HERC1: variants seen among roughly 807,000 people sequenced by gnomAD.
HERC1 encodes the protein probable E3 ubiquitin-protein ligase HERC1.
In HERC1, 160 loss-of-function variants were observed where a neutral mutation model predicts 554.3. The ratio of observed to expected loss-of-function variants is 0.29; its 90% confidence interval spans 0.25 to 0.33. The LOEUF (loss-of-function observed/expected upper bound fraction) is 0.33. Ranked by LOEUF, HERC1 falls within the 10% of genes least tolerant of loss-of-function variation. The pLI, the probability that HERC1 is intolerant of heterozygous loss-of-function variation, is 1.00. For synonymous variants in HERC1, 2,175 were observed against 2,131.7 expected, an observed-to-expected ratio of 1.02 and a Z score of -0.56; for missense variants, 4,919 against 5,918.5, an observed-to-expected ratio of 0.83 and a Z score of 5.54.
chr15:63,671,203 CAAAAAAAA>C (rs371521135), intron 39 of HERC1, among the ~76,000 whole-genome samples: 1 of 123,456 alleles, frequency 8.1e-6, no homozygotes, highest in African/African-American at 3.0e-5. Flanking sequence ...AACTTTGTCT[CAAAAAAAA>C]AAAAAAAAAA....
intron 2 of HERC1, 66 bp downstream of exon 2, chr15:63,774,628 T>A (rs1287565422): frequency 1.1e-5 from 13 of 1,195,194 alleles, no homozygotes; most frequent in Non-Finnish European, 1.4e-5. Flanking sequence ...CACCAATTCA[T>A]TAAAAACTGC....
In HERC1 at chr15:63,628,532, AG is replaced by A. The variant is rs2068406641; in HGVS notation, c.13105+144del. 5.0e-6 allele frequency: 4 copies of A among 801,900 alleles called. No individual in the cohort carries two copies. The African/African-American group carries it at 5.2e-5, about 10-fold the overall frequency. The allele number at this position is 801,900 out of a possible 1,614,324, so 49.7% of individuals were successfully genotyped here. Reference sequence around the variant, plus strand: ...CTGCTATGAAAATACTTCCAGTGCTAGTAGCACAAAGAATGCTTTGTGTGGC... The same window carrying A: ...CTGCTATGAAAATACTTCCAGTGCTATAGCACAAAGAATGCTTTGTGTGGC... On this transcript the variant is annotated intron_variant, in intron 70 of 77. Transcript: ENST00000443617.
Position 63,678,067 on chromosome 15 carries a change from T to C in HERC1, c.6848A>G (p.His2283Arg), listed in dbSNP as rs1327238802. 2 of 1,614,038 alleles carry C rather than the reference T, an allele frequency of 1.2e-6. No individual in the cohort carries two copies. Among genetic ancestry groups the C allele is most frequent in the Non-Finnish European group, 8.5e-7 (1 of 1,179,910 alleles). Residue 2283 changes from histidine to arginine, a missense_variant, in exon 37 of 78, where the codon CAT becomes CGT. Coordinates refer to ENST00000443617, the MANE Select transcript of HERC1 (RefSeq NM_003922.4). ...KESKEEEKGK[H>R]TRHGLADLSE... ...GAGGTCAGCGAGGCCATGCCTAGTA[T>C]GTTTACCTTTCTCTTCCTCTTTGCT...
At chr15:63,685,913 T>C (rs1382945184) in intron 34 of HERC1, among the ~76,000 whole-genome samples, 1 of 152,228 alleles carries the variant, frequency 6.6e-6, no homozygotes, top group African/African-American at 2.4e-5. Context: ...AACAATATGG[T>C]TTATGCTAAA....
chr15:63,617,241 ATGAG>A (rs2067860710), intron 74 of HERC1, among the ~76,000 whole-genome samples: 1 of 152,064 alleles, frequency 6.6e-6, no homozygotes, highest in Non-Finnish European at 1.5e-5. Context: ...ATTCCCACCT[ATGAG>A]TGAGAACACG....
At chr15:63,751,821 A>G (rs1339952662) in intron 8 of HERC1, among the ~76,000 whole-genome samples, 1 of 152,174 alleles carries the variant, frequency 6.6e-6, no homozygotes, top group Non-Finnish European at 1.5e-5. Context: ...TTGGAATTCA[A>G]TGTAATGGAT....
chr15:63,776,204 C>T (rs2076109504), intron 1 of HERC1, among the ~76,000 whole-genome samples: 1 of 152,092 alleles, frequency 6.6e-6, no homozygotes, highest in Non-Finnish European at 1.5e-5. Flanking sequence ...TTCATATACA[C>T]AAGTGCCTAC....
chr15:63,775,362 C>A lies in HERC1; in HGVS notation c.262G>T (p.Ala88Ser). The A allele has an allele frequency of 6.2e-7, 1 of 1,613,922 alleles. No homozygotes were observed. Among genetic ancestry groups the A allele is most frequent in the Non-Finnish European group, 8.5e-7 (1 of 1,179,820 alleles). The change falls in exon 2 of 78, where the codon GCA becomes TCA. Residue 88 changes from alanine to serine, a missense_variant. Around this residue, in one of 11 missense-constraint regions of HERC1, gnomAD observed 110 missense variants for 99.3 expected, o/e 1.11. Coordinates refer to ENST00000443617, the MANE Select transcript of HERC1 (RefSeq NM_003922.4). This position sits in a 1 kb window ranked among gnomAD's most constrained non-coding sequence, Gnocchi z 4.0. Reference sequence around the variant, plus strand: ...TCTGAACATACCATCTTTGCCAATGCTAGCTGGCTGCTAAGAAGGGCATCC... The same window carrying A: ...TCTGAACATACCATCTTTGCCAATGATAGCTGGCTGCTAAGAAGGGCATCC... ...YLDALLSSQL[A>S]LAKMVCSDSP...
chr15:63,761,586 CAA>C (rs11301389), intron 3 of HERC1, among the ~76,000 whole-genome samples: 408 of 119,228 alleles, frequency 3.4e-3, no homozygotes, highest in African/African-American at 8.2e-3. Flanking sequence ...AAGACTGTCT[CAA>C]AAAAAAAAAA....
At chr15:63,738,833 T>A (rs1036651431) in intron 12 of HERC1, among the ~76,000 whole-genome samples, 6 of 152,196 alleles carry the variant, frequency 3.9e-5, no homozygotes, top group African/African-American at 1.2e-4. Context: ...TACTTTTCCT[T>A]ATTTTATTCT....
At chr15:63,643,340 A>G (rs2069165815) in intron 58 of HERC1, 64 bp downstream of exon 58, 2 of 1,387,356 alleles carry the variant, frequency 1.4e-6, no homozygotes, top group Admixed American at 2.3e-5. Context: ...GTTAATTTTT[A>G]TCACATGTGT....
At chr15:63,675,186 T>C (rs1390776366) in intron 37 of HERC1, 69 bp from the exon 38 acceptor site, 2 of 1,312,922 alleles carry the variant, frequency 1.5e-6, no homozygotes, top group Non-Finnish European at 2.1e-6. Flanking sequence ...GTACGGAAAA[T>C]AATGTAGACA....
At chr15:63,700,920 T>C (rs1020318625) in intron 25 of HERC1, among the ~76,000 whole-genome samples, 5 of 151,856 alleles carry the variant, frequency 3.3e-5, no homozygotes, top group Non-Finnish European at 1.5e-5. Context: ...AAAAAATATA[T>C]ACATTCTTTT....
At chr15:63,640,610 G>A (rs1260034819) in intron 60 of HERC1, among the ~76,000 whole-genome samples, 165 bp from the exon 61 acceptor site, 2 of 152,132 alleles carry the variant, frequency 1.3e-5, no homozygotes, top group South Asian at 2.1e-4. Context: ...AGATAGTACC[G>A]AGGATTTCTG....
chr15:63,750,099 C>T (rs1233340520), intron 8 of HERC1, among the ~76,000 whole-genome samples: 1 of 152,224 alleles, frequency 6.6e-6, no homozygotes, highest in African/African-American at 2.4e-5. Context: ...TTTGCCCCAT[C>T]TCACCAGCTT....
chr15:63,668,889 A>G (rs1418543825), intron 40 of HERC1, among the ~76,000 whole-genome samples: 1 of 152,226 alleles, frequency 6.6e-6, no homozygotes. Context: ...GAAAGGATAA[A>G]GAAGACTTGG....
intron 46 of HERC1, among the ~76,000 whole-genome samples, chr15:63,660,187 G>T (rs1189804846): frequency 6.6e-6 from 1 of 152,132 alleles, no homozygotes; most frequent in Non-Finnish European, 1.5e-5. Context: ...AGGCATGGTG[G>T]TGTGTGCCTG....
chr15:63,797,926 A>T (rs1196381437), intron 1 of HERC1, among the ~76,000 whole-genome samples: 1 of 152,238 alleles, frequency 6.6e-6, no homozygotes, highest in Admixed American at 6.5e-5. Context: ...GGATGTGAAT[A>T]TAAGTCCCCA....
intron 24 of HERC1, 139 bp downstream of exon 24, chr15:63,712,636 A>G: frequency 1.6e-6 from 1 of 624,354 alleles, no homozygotes; most frequent in Admixed American, 3.1e-5. Context: ...TATATGCAAT[A>G]TAGTTATTTC....
Sources: allele counts gnomAD v4.1 joint callset (sites outside exome capture counted in the v4.1 genomes callset), GRCh38; gene constraint gnomAD v4.1.1; regional missense constraint gnomAD v4.1.1; non-coding constraint Gnocchi (gnomAD v3.1); transcripts MANE v1.5; gene names NCBI Gene and HGNC (gene_info 2026-07-23, HGNC 2026-07-21).